CDK14: variants seen among roughly 807,000 people sequenced by gnomAD.
CDK14 encodes the protein cyclin-dependent kinase 14.
A neutral mutation model predicts 60.7 loss-of-function variants in CDK14; 34 were observed. The observed-to-expected ratio is 0.56, with a 90% confidence interval of 0.43 to 0.75. CDK14 has a LOEUF of 0.75. Ranked by LOEUF, CDK14 falls within the 30% of genes least tolerant of loss-of-function variation. The probability of loss-of-function intolerance (pLI) is 0.00; values close to 1 mark genes in which losing one functional copy is unlikely to be tolerated. For synonymous variants in CDK14, 197 were observed against 203.7 expected, an observed-to-expected ratio of 0.97 and a Z score of 0.28; for missense variants, 482 against 564.1, an observed-to-expected ratio of 0.85 and a Z score of 1.47.
intron 8 of CDK14, among the ~76,000 whole-genome samples, chr7:90,933,045 A>T (rs1326976592): frequency 6.6e-6 from 1 of 152,178 alleles, no homozygotes; most frequent in Admixed American, 6.5e-5. Flanking sequence ...GTTTTCCATA[A>T]GGAATAACAG....
chr7:90,635,230 A>G (rs1455699151), intron 2 of CDK14, among the ~76,000 whole-genome samples: 1 of 152,178 alleles, frequency 6.6e-6, no homozygotes, highest in Non-Finnish European at 1.5e-5. Context: ...CTGACTGGTA[A>G]TGCCTAGGTT....
chr7:91,175,566 C>G (rs1402295174), intron 14 of CDK14, among the ~76,000 whole-genome samples: 1 of 151,954 alleles, frequency 6.6e-6, no homozygotes, highest in Non-Finnish European at 1.5e-5. Context: ...GGAAACCCAT[C>G]TCACGTGCAG....
At chr7:90,781,946 C>A (rs1245256796) in intron 4 of CDK14, among the ~76,000 whole-genome samples, 2 of 151,938 alleles carry the variant, frequency 1.3e-5, no homozygotes, top group Admixed American at 1.3e-4. Context: ...TTTTCCAATT[C>A]TGTGCAGAAA....
intron 12 of CDK14, among the ~76,000 whole-genome samples, chr7:91,081,529 T>A (rs1798483675): frequency 6.6e-6 from 1 of 152,212 alleles, no homozygotes; most frequent in African/African-American, 2.4e-5. Flanking sequence ...AGGTCACTGT[T>A]CAAAATTAAG....
intron 14 of CDK14, among the ~76,000 whole-genome samples, chr7:91,139,024 T>C (rs1310797534): frequency 6.6e-6 from 1 of 152,192 alleles, no homozygotes; most frequent in African/African-American, 2.4e-5. Context: ...TGTTCCCAAC[T>C]CCTTGCGAAG....
At chr7:90,783,771 G>A (rs1805449377) in intron 4 of CDK14, among the ~76,000 whole-genome samples, 1 of 152,078 alleles carries the variant, frequency 6.6e-6, no homozygotes, top group African/African-American at 2.4e-5. Flanking sequence ...TGAAAGACAG[G>A]CAATAACAAA....
chr7:91,088,148 T>C (rs1454806069), intron 12 of CDK14, among the ~76,000 whole-genome samples: 5 of 152,238 alleles, frequency 3.3e-5, no homozygotes. Context: ...GTAATTATCC[T>C]TGCTGTTTAC....
intron 5 of CDK14, among the ~76,000 whole-genome samples, chr7:90,816,311 A>C (rs1395735121): frequency 6.6e-6 from 1 of 152,194 alleles, no homozygotes; most frequent in Non-Finnish European, 1.5e-5. Context: ...AGAGAGAATT[A>C]AATATCTTGC....
intron 9 of CDK14, among the ~76,000 whole-genome samples, chr7:90,967,148 G>T (rs62468482): frequency 7.4e-6 from 1 of 134,778 alleles, no homozygotes; most frequent in African/African-American, 2.8e-5. Flanking sequence ...GGAGGTAGGG[G>T]GAGAGGGAGG....
chr7:90,757,910 G>A (rs530710358), intron 4 of CDK14, among the ~76,000 whole-genome samples: 1 of 152,196 alleles, frequency 6.6e-6, no homozygotes, highest in South Asian at 2.1e-4. Flanking sequence ...GTGGGTGTGT[G>A]TAATTCTTGA....
At position 90,874,503 on chromosome 7, in the gene CDK14, C is replaced by CTTTTTTTTT. The variant is rs747439482; in HGVS notation, c.639+11262_639+11270dup. ...ATCTGGAATCTCATGTCCTTTCATC[C>CTTTTTTTTT]TTTTTTTTTTTTTTTTTTTTTTTTT... On this transcript the variant is annotated intron_variant, in intron 6 of 14. Transcript: ENST00000380050. Among the ~76,000 whole-genome samples the CTTTTTTTTT allele has an allele frequency of 9.2e-4, 44 of 48,010 alleles. 13 individuals carry two copies. The highest frequency in any genetic ancestry group is 8.4e-3 in the East Asian group (7 of 834). The allele number at this position is 48,010 out of a possible 152,430, so 31.5% of individuals were successfully genotyped here. A position where few individuals can be genotyped will look rare whatever the true frequency, so the allele number is the denominator to read the frequency against.
At chr7:90,835,988 A>G (rs1790081987) in intron 5 of CDK14, among the ~76,000 whole-genome samples, 1 of 152,204 alleles carries the variant, frequency 6.6e-6, no homozygotes, top group South Asian at 2.1e-4. Flanking sequence ...GTGAAAATAC[A>G]GTATAAGAGA....
intron 3 of CDK14, among the ~76,000 whole-genome samples, chr7:90,731,475 C>T (rs984636557): frequency 3.3e-5 from 5 of 152,164 alleles, no homozygotes; most frequent in African/African-American, 1.2e-4. Context: ...TATCCATGAC[C>T]ATGGAATGTT....
intron 2 of CDK14, among the ~76,000 whole-genome samples, chr7:90,607,274 G>C (rs1381171517): frequency 6.6e-6 from 1 of 152,086 alleles, no homozygotes; most frequent in African/African-American, 2.4e-5. Context: ...ACAGTCCATT[G>C]GAATCAATTC....
intron 14 of CDK14, among the ~76,000 whole-genome samples, chr7:91,135,903 G>A (rs1279460448): frequency 2.0e-5 from 3 of 152,074 alleles, no homozygotes; most frequent in Non-Finnish European, 4.4e-5. Context: ...GACTCAGTGA[G>A]TCATACCATC....
chr7:90,810,442 C>T (rs1449695645), intron 5 of CDK14, among the ~76,000 whole-genome samples: 2 of 152,280 alleles, frequency 1.3e-5, no homozygotes, highest in East Asian at 1.9e-4. Flanking sequence ...TAAAAACTCT[C>T]AATAAATTAG....
chr7:90,867,700 A>G lies in CDK14; in HGVS notation c.639+4431A>G, dbSNP rs551533325. Among the ~76,000 whole-genome samples the G allele has an allele frequency of 3.9e-5, 6 of 152,234 alleles. No individual in the cohort carries two copies. In the South Asian group the frequency reaches 1.2e-3, roughly 32 times the overall value. On this transcript the variant is annotated intron_variant, in intron 6 of 14. Coordinates refer to ENST00000380050, the MANE Select transcript of CDK14 (RefSeq NM_001287135.2). ...GAGGGGGGTGGATACAAGATGGATG[A>G]TAAAAGTTTCAGTCGTAAGTTGCAG...
At chr7:90,822,247 A>T (rs1238662807) in intron 5 of CDK14, among the ~76,000 whole-genome samples, 7 of 152,216 alleles carry the variant, frequency 4.6e-5, no homozygotes, top group African/African-American at 1.4e-4. Flanking sequence ...CACGTCCAAA[A>T]TATTAATACT....
intron 2 of CDK14, among the ~76,000 whole-genome samples, chr7:90,717,784 TA>T (rs2116674490): frequency 6.6e-6 from 1 of 152,080 alleles, no homozygotes; most frequent in Non-Finnish European, 1.5e-5. Context: ...CATCATTGAG[TA>T]AATATTAACA....
Sources: allele counts gnomAD v4.1 joint callset (sites outside exome capture counted in the v4.1 genomes callset), GRCh38; gene constraint gnomAD v4.1.1; transcripts MANE v1.5; gene names NCBI Gene and HGNC (gene_info 2026-07-23, HGNC 2026-07-21).